PHYKPL: variants seen among roughly 807,000 people sequenced by gnomAD.
PHYKPL encodes the protein 5-phosphohydroxy-L-lysine phospho-lyase.
In PHYKPL, 42 loss-of-function variants were observed where a neutral mutation model predicts 51.3. The ratio of observed to expected loss-of-function variants is 0.82; its 90% CI spans 0.64 to 1.06. The LOEUF (loss-of-function observed/expected upper bound fraction) is 1.06. PHYKPL is among the 50% of genes least tolerant of loss of function. The pLI is 0.00. For missense variants in PHYKPL, 655 were observed against 586.6 expected, an observed-to-expected ratio of 1.12 and a Z score of -1.20; for synonymous variants, 264 against 236.0, an observed-to-expected ratio of 1.12 and a Z score of -1.09.
In PHYKPL at chr5:178,230,359, CTTT is replaced by C. The variant is rs34227825; in HGVS notation, c.179-263_179-261del. 2,154 of 318,188 alleles carry C rather than the reference CTTT, an allele frequency of 6.8e-3. 1 individual carries two copies. Among genetic ancestry groups the C allele is most frequent in the South Asian group, 0.014 (392 of 28,866 alleles). The allele number at this position is 318,188 out of a possible 1,614,324, so 19.7% of individuals were successfully genotyped here. The stretch of plus-strand genomic sequence containing the variant: ...AGAAAGCCCATGTCTTTAAGGAGGA[CTTT>C]TTTTTTTTTTTTTAACAGGGCCTTA... On this transcript the variant is annotated intron_variant, in intron 2 of 12. Coordinates refer to ENST00000308158, the MANE Select transcript of PHYKPL (RefSeq NM_153373.4).
chr5:178,217,560 A>G (rs76707341), intron 8 of PHYKPL, among the ~76,000 whole-genome samples: 3 of 147,522 alleles, frequency 2.0e-5, no homozygotes, highest in Admixed American at 6.8e-5. Flanking sequence ...GAATCAGTGA[A>G]AAAAAAAAAA....
At chr5:178,226,984 G>A (rs1762421712) in intron 3 of PHYKPL, among the ~76,000 whole-genome samples, 2 of 152,104 alleles carry the variant, frequency 1.3e-5, no homozygotes, top group African/African-American at 2.4e-5. Context: ...CAAAAAAGAA[G>A]AAGTGATCAT....
At chr5:178,221,129 G>A (rs1458082259) in intron 8 of PHYKPL, among the ~76,000 whole-genome samples, 1 of 152,192 alleles carries the variant, frequency 6.6e-6, no homozygotes, top group African/African-American at 2.4e-5. Flanking sequence ...TGAATAACTA[G>A]AAGAGGGCTA....
In PHYKPL at chr5:178,232,483, C is replaced by T; in HGVS notation, c.59+9G>A. The T allele has an allele frequency of 2.9e-6, 4 of 1,365,418 alleles. No individual in the cohort carries two copies. Among genetic ancestry groups the T allele is most frequent in the Non-Finnish European group, 3.7e-6 (4 of 1,067,878 alleles). The allele number at this position is 1,365,418 out of a possible 1,614,324, so 84.6% of individuals were successfully genotyped here. On this transcript the variant is annotated intron_variant, in intron 1 of 12. Coordinates refer to ENST00000308158, the MANE Select transcript of PHYKPL (RefSeq NM_153373.4). ...CGCGCCCCCCGCCGCCCGCCCCCCG[C>T]CCGGGTACCTGATGAGCCGTTGCCT...
chr5:178,210,686 A>C (rs778261912), intron 12 of PHYKPL: 23 of 1,283,818 alleles, frequency 1.8e-5, no homozygotes, highest in Non-Finnish European at 2.6e-5. Context: ...AGTGAACACA[A>C]TTATGTACCA....
intron 8 of PHYKPL, among the ~76,000 whole-genome samples, chr5:178,219,196 TAA>T (rs1380292992): frequency 6.6e-6 from 1 of 151,616 alleles, no homozygotes; most frequent in Non-Finnish European, 1.5e-5. Flanking sequence ...AACAAAATGA[TAA>T]GAGTTGACAA....
At chr5:178,225,748 T>C (rs1200435431) in intron 3 of PHYKPL, 5 of 332,398 alleles carry the variant, frequency 1.5e-5, no homozygotes, top group Non-Finnish European at 2.9e-5. Flanking sequence ...AGAAGACTTC[T>C]GTGACTCCAA....
intron 1 of PHYKPL, chr5:178,231,909 T>C (rs1186623879): frequency 7.7e-7 from 1 of 1,302,938 alleles, no homozygotes; most frequent in Admixed American, 2.3e-5. Context: ...GGTGCCTGGC[T>C]CTCAGCCCTA....
At chr5:178,214,956 G>A in intron 9 of PHYKPL, 71 bp from the exon 10 acceptor site, 2 of 1,422,916 alleles carry the variant, frequency 1.4e-6, no homozygotes, top group Non-Finnish European at 2.0e-6. Context: ...CAGCCTCTGG[G>A]CTCCTACCTG....
intron 12 of PHYKPL, chr5:178,210,208 TG>T: frequency 6.2e-7 from 1 of 1,612,862 alleles, no homozygotes; most frequent in Non-Finnish European, 8.5e-7. Flanking sequence ...GCTACGGGCC[TG>T]GCTATGGCGG....
At chr5:178,215,806 G>A (rs1262755384) in intron 8 of PHYKPL, 2 of 187,344 alleles carry the variant, frequency 1.1e-5, no homozygotes, top group Non-Finnish European at 2.2e-5. Context: ...TCCTCCTCCA[G>A]GGAGAGTGAG....
chr5:178,223,941 T>G (rs1761735805), intron 6 of PHYKPL: 1 of 197,216 alleles, frequency 5.1e-6, no homozygotes, highest in African/African-American at 2.4e-5. Flanking sequence ...ATCCTCCACA[T>G]AGCCCTGGAG....
intron 12 of PHYKPL, chr5:178,209,258 A>C (rs1757407991): frequency 8.7e-7 from 1 of 1,145,980 alleles, no homozygotes; most frequent in South Asian, 1.2e-5. Context: ...TGTTTGTCGC[A>C]GTGAAGGTGT....
chr5:178,225,492 T>G (rs1366012950), intron 3 of PHYKPL, 63 bp from the exon 4 acceptor site: 5 of 1,543,652 alleles, frequency 3.2e-6, no homozygotes, highest in Non-Finnish European at 4.5e-6. Flanking sequence ...AGAGAAATGC[T>G]GAGGGCAGGA....
downstream of PHYKPL, chr5:178,207,316 C>T: frequency 6.7e-7 from 1 of 1,492,556 alleles, no homozygotes; most frequent in South Asian, 1.2e-5. Context: ...CATGCAGGAG[C>T]TCTCCAGGTT....
rs767284280 is a variant in PHYKPL, at chr5:178,231,799, C to T, written c.60-276G>A. ...CCTTGCTCATTTCTGCATGTGTCCG[C>T]GTCAGTCTCCCGGATCCTGAGAAAA... On this transcript the variant is annotated intron_variant, in intron 1 of 12. Transcript: ENST00000308158. 36 of 1,408,106 alleles carry T rather than the reference C, an allele frequency of 2.6e-5. No homozygotes were observed. In the South Asian group the frequency reaches 4.1e-4, roughly 16 times the overall value. The allele number at this position is 1,408,106 out of a possible 1,614,324, so 87.2% of individuals were successfully genotyped here.
At chr5:178,228,641 G>A in intron 3 of PHYKPL, 1 of 702,456 alleles carries the variant, frequency 1.4e-6, no homozygotes. Flanking sequence ...CTGGGGGGCA[G>A]ATGTCTGTAC....
chr5:178,228,515 T>C lies in PHYKPL; in HGVS notation c.338+1425A>G, dbSNP rs529238235. The C allele has an allele frequency of 2.1e-4, 146 of 702,402 alleles. 1 individual carries two copies. In the African/African-American group the frequency reaches 2.4e-3, roughly 12 times the overall value. The allele number at this position is 702,402 out of a possible 1,614,324, so 43.5% of individuals were successfully genotyped here. On this transcript the variant is annotated intron_variant, in intron 3 of 12. Transcript: ENST00000308158. Reference sequence around the variant, plus strand: ...CTGAGGAAGCACCAGCTCCCTTCTCTTTCCAGAGGCTCCAGCTCTTGACAT... The same window carrying C: ...CTGAGGAAGCACCAGCTCCCTTCTCCTTCCAGAGGCTCCAGCTCTTGACAT...
At position 178,217,789 on chromosome 5, in the gene PHYKPL, C is replaced by T. The variant is rs1383801802; in HGVS notation, c.928-2359G>A. On this transcript the variant is annotated intron_variant, in intron 8 of 12. Coordinates refer to ENST00000308158, the MANE Select transcript of PHYKPL (RefSeq NM_153373.4). Reference sequence around the variant, plus strand: ...AGGAGAATGGCGTGAACCCGGGAGGCAGAGCTTGCAGTGAGCCGAGATCAC... The same window carrying T: ...AGGAGAATGGCGTGAACCCGGGAGGTAGAGCTTGCAGTGAGCCGAGATCAC... 3.5e-5 allele frequency among the ~76,000 whole-genome samples: 5 copies of T among 144,096 alleles called. No homozygotes were observed. In the East Asian group the frequency reaches 8.3e-4, roughly 24 times the overall value. The allele number at this position is 144,096 out of a possible 152,430, so 94.5% of individuals were successfully genotyped here.
Sources: gnomAD v4.1 joint callset for allele counts (sites outside exome capture counted in the v4.1 genomes callset) on GRCh38, gnomAD v4.1.1 for gene constraint, MANE v1.5 for transcripts, NCBI Gene and HGNC (gene_info 2026-07-23, HGNC 2026-07-21) for gene names.